Variants in SHISA6 observed in about 807,000 individuals in gnomAD.
SHISA6 encodes the protein shisa family member 6, also known as protein shisa-6.
A neutral mutation model predicts 47.9 loss-of-function variants in SHISA6; 22 were observed. The observed-to-expected ratio is 0.46, with a 90% CI of 0.33 to 0.66. The LOEUF is 0.66. SHISA6 is among the 30% of genes least tolerant of loss of function. The pLI, the probability that SHISA6 is intolerant of heterozygous loss-of-function variation, is 0.02. For synonymous variants in SHISA6, 388 were observed against 337.8 expected, an observed-to-expected ratio of 1.15 and a Z score of -1.63; for missense variants, 680 against 764.6, an observed-to-expected ratio of 0.89 and a Z score of 1.30.
At chr17:11,537,384 A>G (rs1010533770) in intron 3 of SHISA6, among the ~76,000 whole-genome samples, 2 of 152,240 alleles carry the variant, frequency 1.3e-5, no homozygotes, top group South Asian at 2.1e-4. Context: ...TTCTGACACC[A>G]AGAGTCAAAG....
At chr17:11,525,652 C>CAAAAAAAAAAAAAAAAAAAAA in intron 3 of SHISA6, among the ~76,000 whole-genome samples, 1 of 104,282 alleles carries the variant, frequency 9.6e-6, no homozygotes, top group Non-Finnish European at 1.8e-5. Flanking sequence ...AAAAAAAAAA[C>CAAAAAAAAAAAAAAAAAAAAA]AAAAAAAAAA....
intron 5 of SHISA6, among the ~76,000 whole-genome samples, chr17:11,556,162 ACTGCGG>A (rs2071977565): frequency 6.6e-6 from 1 of 152,106 alleles, no homozygotes; most frequent in Admixed American, 6.6e-5. Context: ...CACCAGTTTA[ACTGCGG>A]GAGAAAGCCT....
At position 11,339,258 on chromosome 17, in the gene SHISA6, C is replaced by T. The variant is rs2142211452; in HGVS notation, c.800-40156C>T. On this transcript the variant is annotated intron_variant, in intron 2 of 5. Transcript: ENST00000441885. ...AACTTGTCTTTGTTGATATGAAGCTCTGTTCATAATATACTAAATGAAATT... is the reference window on the plus strand; with the variant it reads ...AACTTGTCTTTGTTGATATGAAGCTTTGTTCATAATATACTAAATGAAATT... Among the ~76,000 whole-genome samples, 3 of 151,868 alleles carry T rather than the reference C, an allele frequency of 2.0e-5. No individual in the cohort carries two copies. The South Asian group carries it at 6.3e-4, about 32-fold the overall frequency.
chr17:11,509,158 T>A (rs1342758961), intron 3 of SHISA6, among the ~76,000 whole-genome samples: 1 of 152,158 alleles, frequency 6.6e-6, no homozygotes, highest in Non-Finnish European at 1.5e-5. Flanking sequence ...GAAAGAAGTG[T>A]CGGAAGGCCC....
intron 1 of SHISA6, among the ~76,000 whole-genome samples, chr17:11,252,231 G>C (rs1907838832): frequency 6.6e-6 from 1 of 152,202 alleles, no homozygotes; most frequent in South Asian, 2.1e-4. Flanking sequence ...GTGTTTGGGA[G>C]AAGAGTCGCT....
At chr17:11,498,249 G>T (rs1290838087) in intron 3 of SHISA6, among the ~76,000 whole-genome samples, 1 of 152,152 alleles carries the variant, frequency 6.6e-6, no homozygotes, top group Non-Finnish European at 1.5e-5. Flanking sequence ...GATGTATCTT[G>T]CACCTTCCCT....
chr17:11,469,084 G>A (rs987880637), intron 3 of SHISA6, among the ~76,000 whole-genome samples: 16 of 128,330 alleles, frequency 1.2e-4, no homozygotes, highest in Middle Eastern at 5.1e-3. Flanking sequence ...TCCAAAGACA[G>A]AAGACAGCAT....
At chr17:11,417,311 T>A (rs1567600443) in intron 3 of SHISA6, among the ~76,000 whole-genome samples, 1 of 152,134 alleles carries the variant, frequency 6.6e-6, no homozygotes, top group Non-Finnish European at 1.5e-5. Context: ...AATGGTTGAT[T>A]CCGAAAACAC....
At chr17:11,309,283 T>C (rs1261179002) in intron 2 of SHISA6, among the ~76,000 whole-genome samples, 3 of 152,228 alleles carry the variant, frequency 2.0e-5, no homozygotes, top group Admixed American at 2.0e-4. Flanking sequence ...AGCAAGTGTT[T>C]GCTGGCAGAA....
chr17:11,441,397 A>G (rs6502147), intron 3 of SHISA6, among the ~76,000 whole-genome samples: 65,822 of 152,064 alleles, frequency 0.43, 14,574 homozygotes, highest in Non-Finnish European at 0.48. Context: ...ATGACTTAGC[A>G]TAAGGAAGGT....
chr17:11,406,768 G>T (rs184740280), intron 3 of SHISA6, among the ~76,000 whole-genome samples: 1 of 152,046 alleles, frequency 6.6e-6, no homozygotes, highest in Non-Finnish European at 1.5e-5. Context: ...CTATTAGATT[G>T]TATAAAATGT....
intron 1 of SHISA6, among the ~76,000 whole-genome samples, chr17:11,250,538 A>G (rs1222417114): frequency 6.6e-6 from 1 of 152,236 alleles, no homozygotes; most frequent in African/African-American, 2.4e-5. Flanking sequence ...TACCAGACTC[A>G]GTGTCTGCAG....
chr17:11,338,167 T>A (rs1911387911), intron 2 of SHISA6, among the ~76,000 whole-genome samples: 1 of 152,192 alleles, frequency 6.6e-6, no homozygotes, highest in African/African-American at 2.4e-5. Context: ...CACAGCAACC[T>A]CATGTTCAGC....
At chr17:11,441,250 C>A (rs530831327) in intron 3 of SHISA6, among the ~76,000 whole-genome samples, 135 of 152,234 alleles carry the variant, frequency 8.9e-4, no homozygotes, top group Non-Finnish European at 1.4e-3. Flanking sequence ...ATCAGGAGAG[C>A]AAACAGAACA....
At chr17:11,337,913 T>C (rs935122542) in intron 2 of SHISA6, among the ~76,000 whole-genome samples, 10 of 152,204 alleles carry the variant, frequency 6.6e-5, no homozygotes, top group African/African-American at 2.4e-4. Flanking sequence ...CTACAGAAGA[T>C]GTGTTACTTG....
At chr17:11,543,123 A>G (rs2071847653) in intron 3 of SHISA6, among the ~76,000 whole-genome samples, 1 of 152,334 alleles carries the variant, frequency 6.6e-6, no homozygotes, top group Admixed American at 6.5e-5. Context: ...AACATTAGAA[A>G]TTACAAATAT....
chr17:11,289,529 GT>G (rs1909442539), intron 2 of SHISA6: 1 of 148,012 alleles, frequency 6.8e-6, no homozygotes, highest in African/African-American at 2.5e-5. Context: ...GAGCTTACAT[GT>G]GAAATTGCCC....
intron 2 of SHISA6, among the ~76,000 whole-genome samples, chr17:11,370,532 C>T (rs1479623112): frequency 2.0e-5 from 3 of 152,156 alleles, no homozygotes; most frequent in South Asian, 2.1e-4. Context: ...GAAAGAGGTT[C>T]GCTTACGAAC....
At chr17:11,418,933 T>G (rs1178948113) in intron 3 of SHISA6, among the ~76,000 whole-genome samples, 1 of 152,156 alleles carries the variant, frequency 6.6e-6, no homozygotes, top group Non-Finnish European at 1.5e-5. Flanking sequence ...ATTCCTCTGC[T>G]TACCTGGCGC....
Sources: allele counts gnomAD v4.1 joint callset (sites outside exome capture counted in the v4.1 genomes callset), GRCh38; gene constraint gnomAD v4.1.1; transcripts MANE v1.5; gene names NCBI Gene and HGNC (gene_info 2026-07-23, HGNC 2026-07-21).